Variants in CHCHD6 observed in about 807,000 individuals in gnomAD.
The protein encoded by CHCHD6 is MICOS complex subunit MIC25.
A neutral mutation model predicts 32.3 loss-of-function variants in CHCHD6; 28 were observed. The observed-to-expected ratio is 0.87, with a 90% CI of 0.64 to 1.19. The LOEUF is 1.19. Ranked by LOEUF, CHCHD6 falls within the 50% of genes most tolerant of loss-of-function variation. CHCHD6 has a pLI of 0.00. For synonymous variants in CHCHD6, 122 were observed against 117.5 expected (o/e 1.04, Z -0.25); for missense variants, 333 against 307.0 (o/e 1.08, Z -0.63).
chr3:126,824,560 C>CAAAAAAAAAAAAAAAAAAAA lies in CHCHD6; in HGVS notation c.412-28085_412-28066dup, dbSNP rs71150454. ...TAGGTGATAGAGCAAGACTCTGTCT[C>CAAAAAAAAAAAAAAAAAAAA]AAAAAAAAAAAAAAAAAAAAAGTCA... On this transcript the variant is annotated intron_variant, in intron 4 of 7. Coordinates refer to ENST00000290913, the MANE Select transcript of CHCHD6 (RefSeq NM_032343.3). Among the ~76,000 whole-genome samples the CAAAAAAAAAAAAAAAAAAAA allele has an allele frequency of 1.3e-3, 50 of 39,996 alleles. 6 individuals carry two copies. The highest frequency in any genetic ancestry group is 0.01 in the East Asian group (10 of 962). The allele number at this position is 39,996 out of a possible 152,430, so 26.2% of individuals were successfully genotyped here. A position where few individuals can be genotyped will look rare whatever the true frequency, so the allele number is the denominator to read the frequency against.
chr3:126,948,501 A>T (rs149118711), intron 6 of CHCHD6, among the ~76,000 whole-genome samples: 1 of 152,194 alleles, frequency 6.6e-6, no homozygotes, highest in African/African-American at 2.4e-5. Context: ...TTCGTACTGG[A>T]TTAGGGGCCC....
At chr3:126,815,643 GC>G (rs11341202) in intron 4 of CHCHD6, among the ~76,000 whole-genome samples, 70,157 of 126,808 alleles carry the variant, frequency 0.55, 18,815 homozygotes, top group East Asian at 0.68. Context: ...GTGGGTTCTT[GC>G]CCCCCCCCCC....
At chr3:126,720,821 A>G (rs1935248248) in intron 1 of CHCHD6, among the ~76,000 whole-genome samples, 1 of 152,136 alleles carries the variant, frequency 6.6e-6, no homozygotes. Context: ...GCATGTGGCT[A>G]AGTGCTTACT....
At chr3:126,931,659 C>T (rs1221684549) in intron 6 of CHCHD6, among the ~76,000 whole-genome samples, 1 of 152,164 alleles carries the variant, frequency 6.6e-6, no homozygotes, top group African/African-American at 2.4e-5. Flanking sequence ...TTCTTAGTGC[C>T]CCTTGACATA....
At chr3:126,893,178 C>T (rs1360170317) in intron 5 of CHCHD6, among the ~76,000 whole-genome samples, 1 of 152,086 alleles carries the variant, frequency 6.6e-6, no homozygotes, top group African/African-American at 2.4e-5. Context: ...AAGCTGGTCT[C>T]GAACTCCTGG....
At chr3:126,778,053 A>G (rs531588609) in intron 4 of CHCHD6, among the ~76,000 whole-genome samples, 10 of 152,328 alleles carry the variant, frequency 6.6e-5, no homozygotes, top group South Asian at 4.1e-4. Flanking sequence ...CTAGCTTCTC[A>G]TTTAGCATAA....
At chr3:126,735,440 T>C (rs1265279378) in intron 4 of CHCHD6, among the ~76,000 whole-genome samples, 2 of 152,252 alleles carry the variant, frequency 1.3e-5, no homozygotes, top group Non-Finnish European at 2.9e-5. Context: ...TTAACTACTT[T>C]CATGGGCATT....
At chr3:126,820,409 A>G in intron 4 of CHCHD6, among the ~76,000 whole-genome samples, 1 of 152,106 alleles carries the variant, frequency 6.6e-6, no homozygotes. Flanking sequence ...GAGAACCGCT[A>G]CTTGGACCTC....
At position 126,910,277 on chromosome 3, in the gene CHCHD6, A is replaced by AAAAAAAAAACAAAC. The variant is rs1174856968; in HGVS notation, c.496-4390_496-4389insCAAAAAAAAACAAA. ...AGGAGCAAGGCCCTGCCTCAGGAAAAAAAAAAAAACAAAAAAAACAAATCT... is the reference window on the plus strand; with the variant it reads ...AGGAGCAAGGCCCTGCCTCAGGAAAAAAAAAAAAACAAACAAAAAAAAACAAAAAAAACAAATCT... On this transcript the variant is annotated intron_variant, in intron 5 of 7. Transcript: ENST00000290913. Among the ~76,000 whole-genome samples, 866 of 151,524 alleles carry AAAAAAAAAACAAAC rather than the reference A, an allele frequency of 5.7e-3. 16 individuals are homozygous for AAAAAAAAAACAAAC. Among genetic ancestry groups the AAAAAAAAAACAAAC allele is most frequent in the African/African-American group, 0.02 (827 of 41,312 alleles).
intron 4 of CHCHD6, among the ~76,000 whole-genome samples, chr3:126,754,258 G>A (rs1031580377): frequency 1.3e-5 from 2 of 152,182 alleles, no homozygotes; most frequent in Non-Finnish European, 2.9e-5. Context: ...GTAATACAGG[G>A]ACAGCAATAT....
intron 5 of CHCHD6, among the ~76,000 whole-genome samples, chr3:126,914,072 C>T (rs926230779): frequency 1.3e-5 from 2 of 152,132 alleles, no homozygotes; most frequent in African/African-American, 4.8e-5. Flanking sequence ...GGTTGCTGTT[C>T]CGATGAGTAG....
chr3:126,761,727 C>A (rs1937168622), intron 4 of CHCHD6, among the ~76,000 whole-genome samples: 1 of 152,310 alleles, frequency 6.6e-6, no homozygotes, highest in African/African-American at 2.4e-5. Context: ...GCACCCAGTC[C>A]TGTTAATTCT....
chr3:126,727,061 C>T lies in CHCHD6; in HGVS notation c.88-17C>T, dbSNP rs1261342217. ...TGTGACATAACTTTTTCTTTTCCCT[C>T]TTTTCTGCTTCCTTAGCTGTCTGAA... On this transcript the variant is annotated splice_polypyrimidine_tract_variant and intron_variant, in intron 1 of 7. Coordinates refer to ENST00000290913, the MANE Select transcript of CHCHD6 (RefSeq NM_032343.3). 6.3e-7 allele frequency: 1 copy of T among 1,592,280 alleles called. No homozygotes were observed. Among genetic ancestry groups the T allele is most frequent in the Non-Finnish European group, 8.6e-7 (1 of 1,161,318 alleles).
chr3:126,802,140 T>A (rs1035393633), intron 4 of CHCHD6, among the ~76,000 whole-genome samples: 6 of 152,072 alleles, frequency 3.9e-5, no homozygotes, highest in Non-Finnish European at 8.8e-5. Flanking sequence ...AACTGGAAAC[T>A]CTAAAAAGCA....
intron 6 of CHCHD6, among the ~76,000 whole-genome samples, chr3:126,953,860 T>C (rs911145604): frequency 3.3e-5 from 5 of 152,214 alleles, no homozygotes; most frequent in Admixed American, 2.6e-4. Context: ...TATCTGTGCA[T>C]GTGAAGAGTA....
chr3:126,803,386 G>C (rs997744692), intron 4 of CHCHD6, among the ~76,000 whole-genome samples: 6 of 151,478 alleles, frequency 4.0e-5, no homozygotes, highest in African/African-American at 1.5e-4. Flanking sequence ...CAAGCAAATG[G>C]AAAACAAAAA....
chr3:126,713,291 T>A (rs1455947020), intron 1 of CHCHD6, among the ~76,000 whole-genome samples: 3 of 152,236 alleles, frequency 2.0e-5, no homozygotes, highest in Non-Finnish European at 1.5e-5. Context: ...TTGTCAGTCC[T>A]GCTCCCAGAG....
chr3:126,779,965 G>GAC (rs1447665820), intron 4 of CHCHD6, among the ~76,000 whole-genome samples: 1 of 152,198 alleles, frequency 6.6e-6, no homozygotes, highest in Non-Finnish European at 1.5e-5. Context: ...CAGCTGTAGA[G>GAC]ACTTAATCAA....
chr3:126,934,113 GA>G (rs1255415145), intron 6 of CHCHD6, among the ~76,000 whole-genome samples: 6 of 152,196 alleles, frequency 3.9e-5, no homozygotes, highest in African/African-American at 1.4e-4. Flanking sequence ...TGCAAGCATG[GA>G]AAAGCCCCTG....
Sources: gnomAD v4.1 joint callset for allele counts (sites outside exome capture counted in the v4.1 genomes callset) on GRCh38, gnomAD v4.1.1 for gene constraint, MANE v1.5 for transcripts, NCBI Gene and HGNC (gene_info 2026-07-23, HGNC 2026-07-21) for gene names.